PDE1C: variants seen among roughly 807,000 people sequenced by gnomAD.
The protein encoded by PDE1C is dual specificity calcium/calmodulin-dependent 3',5'-cyclic nucleotide phosphodiesterase 1C.
A neutral mutation model predicts 93.1 loss-of-function variants in PDE1C; 62 were observed. The observed-to-expected ratio is 0.67, with a 90% CI of 0.54 to 0.82. The LOEUF (loss-of-function observed/expected upper bound fraction) is 0.82. Ranked by LOEUF, PDE1C falls within the 40% of genes least tolerant of loss-of-function variation. PDE1C has a pLI of 0.00. For missense variants in PDE1C, 742 were observed against 884.6 expected (o/e 0.84, Z 2.04); for synonymous variants, 325 against 310.1 (o/e 1.05, Z -0.50).
chr7:31,778,825 T>G (rs1783190048), intron 16 of PDE1C, among the ~76,000 whole-genome samples: 2 of 152,150 alleles, frequency 1.3e-5, no homozygotes, highest in South Asian at 2.1e-4. Context: ...TTGAAGACAA[T>G]TTTTGTCTCC....
intron 1 of PDE1C, among the ~76,000 whole-genome samples, chr7:32,409,595 A>C (rs2128097501): frequency 6.6e-6 from 1 of 152,202 alleles, no homozygotes; most frequent in South Asian, 2.1e-4. Flanking sequence ...AGAAAGGGAG[A>C]TATGGTTCAA....
At chr7:32,297,866 T>G (rs1812678366) in intron 1 of PDE1C, among the ~76,000 whole-genome samples, 2 of 152,130 alleles carry the variant, frequency 1.3e-5, no homozygotes. Flanking sequence ...CCTCTTTTTC[T>G]GCTTTATTTT....
At chr7:32,383,641 C>CTGGATGGATGGA (rs3079653) in intron 1 of PDE1C, among the ~76,000 whole-genome samples, 1 of 150,940 alleles carries the variant, frequency 6.6e-6, no homozygotes, top group Admixed American at 6.6e-5. Flanking sequence ...TATCAGAATG[C>CTGGATGGATGGA]TGGATGGATG....
At chr7:31,831,261 C>T (rs1220731667) in intron 11 of PDE1C, among the ~76,000 whole-genome samples, 1 of 152,102 alleles carries the variant, frequency 6.6e-6, no homozygotes, top group African/African-American at 2.4e-5. Context: ...AAAGTTTTAG[C>T]TCTTTCAGAA....
intron 17 of PDE1C, among the ~76,000 whole-genome samples, chr7:31,755,907 T>C (rs1009132277): frequency 3.0e-4 from 45 of 152,208 alleles, no homozygotes; most frequent in Non-Finnish European, 3.2e-4. Context: ...GGCTCATGCC[T>C]GTAATCCCAG....
intron 2 of PDE1C, among the ~76,000 whole-genome samples, chr7:32,207,526 C>T (rs922828139): frequency 6.6e-6 from 1 of 152,172 alleles, no homozygotes; most frequent in African/African-American, 2.4e-5. Flanking sequence ...GTCATCTAAT[C>T]TTTCCCTCTC....
chr7:31,769,339 A>G (rs866324706), intron 17 of PDE1C, among the ~76,000 whole-genome samples: 1 of 152,182 alleles, frequency 6.6e-6, no homozygotes, highest in Non-Finnish European at 1.5e-5. Context: ...TCAGCTTCTC[A>G]TAGCATTTAA....
At chr7:31,928,567 T>C (rs1803713595) in intron 2 of PDE1C, among the ~76,000 whole-genome samples, 1 of 152,158 alleles carries the variant, frequency 6.6e-6, no homozygotes, top group Admixed American at 6.5e-5. Flanking sequence ...GATGCCCATC[T>C]AACTAACAGT....
the PDE1C span, among the ~76,000 whole-genome samples, chr7:31,730,375 C>G: frequency 1.3e-5 from 2 of 152,126 alleles, no homozygotes; most frequent in Non-Finnish European, 2.9e-5. Flanking sequence ...ATTCCTGCAC[C>G]AGACTTCCAG....
rs977625 is a variant in PDE1C at position 32,169,813 on chromosome 7, G to A, written c.280C>T (p.Pro94Ser). ...AAGGATGTCTTCACCAAGACTTCTG[G>A]GCTATCCAGCTGTGGCAATTCATCA... The change falls in exon 3 of 19, where the codon CCA becomes TCA. Residue 94 changes from proline (P) to serine (S), a missense_variant. Coordinates refer to the PDE1C transcript ENST00000396193. 183 of 1,612,492 alleles carry A rather than the reference G, an allele frequency of 1.1e-4. 1 individual carries two copies. In the African/African-American group the frequency reaches 2.1e-3, roughly 18 times the overall value.
intron 2 of PDE1C, among the ~76,000 whole-genome samples, chr7:32,001,165 G>A (rs1415215087): frequency 1.3e-5 from 2 of 152,186 alleles, no homozygotes; most frequent in Non-Finnish European, 2.9e-5. Context: ...AGAAGAAAAT[G>A]TTTATGGTGA....
At chr7:31,796,511 T>G (rs1785329441) in intron 16 of PDE1C, among the ~76,000 whole-genome samples, 1 of 151,776 alleles carries the variant, frequency 6.6e-6, no homozygotes, top group African/African-American at 2.4e-5. Context: ...ATGCATTGAT[T>G]TGAAATGGAC....
chr7:32,341,173 C>CTATTTTTTTTTTTTTTTTTTTTTTTTTTT (rs796122014), intron 1 of PDE1C, among the ~76,000 whole-genome samples: 1 of 84,956 alleles, frequency 1.2e-5, no homozygotes, highest in African/African-American at 4.3e-5. Flanking sequence ...GAAATAAAGT[C>CTATTTTTTTTTTTTTTTTTTTTTTTTTTT]TTTTTTTTTT....
chr7:32,207,605 G>A (rs545747590), intron 2 of PDE1C, among the ~76,000 whole-genome samples: 21 of 148,426 alleles, frequency 1.4e-4, no homozygotes, highest in Middle Eastern at 3.5e-3. Context: ...ATTAACTCAG[G>A]AGCTTTTTCG....
chr7:31,895,580 T>TTCTC (rs60958547), intron 2 of PDE1C, among the ~76,000 whole-genome samples: 32,786 of 144,574 alleles, frequency 0.23, 3,823 homozygotes, highest in South Asian at 0.26. Context: ...TTTCTCTCTT[T>TTCTC]TCTCTCTCTC....
chr7:32,059,831 A>G (rs1794590545), intron 1 of PDE1C, among the ~76,000 whole-genome samples: 1 of 152,226 alleles, frequency 6.6e-6, no homozygotes, highest in African/African-American at 2.4e-5. Context: ...AGCAAATGTC[A>G]TGCTTGTGGA....
At chr7:31,852,568 A>G (rs574348473) in intron 7 of PDE1C, among the ~76,000 whole-genome samples, 1 of 152,282 alleles carries the variant, frequency 6.6e-6, no homozygotes, top group East Asian at 1.9e-4. Context: ...GCTTTTATAT[A>G]GAAACTTATA....
intron 16 of PDE1C, among the ~76,000 whole-genome samples, chr7:31,782,360 T>C (rs569522791): frequency 1.3e-5 from 2 of 152,352 alleles, no homozygotes; most frequent in South Asian, 4.1e-4. Flanking sequence ...GATTAATTGT[T>C]GGATGGGGTA....
chr7:31,917,848 C>G (rs1802124047), intron 2 of PDE1C, among the ~76,000 whole-genome samples: 1 of 152,186 alleles, frequency 6.6e-6, no homozygotes, highest in African/African-American at 2.4e-5. Flanking sequence ...ATCTATACCT[C>G]TGCTCTGGGA....
Sources: gnomAD v4.1 joint callset for allele counts (sites outside exome capture counted in the v4.1 genomes callset) on GRCh38, gnomAD v4.1.1 for gene constraint, MANE v1.5 for transcripts, NCBI Gene and HGNC (gene_info 2026-07-23, HGNC 2026-07-21) for gene names.